Variants in PSAT1 observed in about 807,000 individuals in gnomAD.
The protein encoded by PSAT1 is phosphoserine aminotransferase.
In PSAT1, 41 loss-of-function variants were observed where a neutral mutation model predicts 40.3. That is an observed-to-expected ratio of 1.02 (90% CI 0.79 to 1.32). The LOEUF (loss-of-function observed/expected upper bound fraction) is 1.32. PSAT1 is among the 40% of genes most tolerant of loss of function. PSAT1 has a pLI of 0.00. For missense variants in PSAT1, 406 were observed against 455.8 expected (o/e 0.89, Z 0.99); for synonymous variants, 147 against 170.5 (o/e 0.86, Z 1.07).
intron 7 of PSAT1, among the ~76,000 whole-genome samples, chr9:78,323,389 T>C (rs564880824): frequency 7.2e-5 from 11 of 152,148 alleles, no homozygotes; most frequent in African/African-American, 2.4e-4. Context: ...CTGGGCAACA[T>C]AGTGAGACCT....
chr9:78,311,254 A>G (rs1210626299), intron 6 of PSAT1, among the ~76,000 whole-genome samples: 1 of 151,992 alleles, frequency 6.6e-6, no homozygotes, highest in African/African-American at 2.4e-5. Context: ...AGGGGCCGAG[A>G]TGTCAGGCTG....
intron 1 of PSAT1, among the ~76,000 whole-genome samples, chr9:78,299,743 C>T (rs996107058): frequency 1.3e-5 from 2 of 152,106 alleles, no homozygotes; most frequent in Non-Finnish European, 2.9e-5. Flanking sequence ...AATCTCTTGA[C>T]CTCATGATCT....
intron 7 of PSAT1, among the ~76,000 whole-genome samples, chr9:78,326,934 A>AATATATATATATATATATATATATAT (rs1210919066): frequency 1.9e-4 from 20 of 104,524 alleles, no homozygotes; most frequent in African/African-American, 5.8e-4. Flanking sequence ...AAGTGACAGC[A>AATATATATATATATATATATATATAT]ATATATATAT....
chr9:78,327,918 T>G lies in PSAT1; in HGVS notation c.870-133T>G, dbSNP rs1461382519. Reference sequence around the variant, plus strand: ...TAAACAATAAATGTGCTGGGGCAGATTTTTTGTTTTTTGTTTTTTAAAAAA... The same window carrying G: ...TAAACAATAAATGTGCTGGGGCAGAGTTTTTGTTTTTTGTTTTTTAAAAAA... On this transcript the variant is annotated intron_variant, in intron 7 of 8. Transcript: ENST00000376588. 8 of 929,260 alleles carry G rather than the reference T, an allele frequency of 8.6e-6. No homozygotes were observed. The East Asian group carries it at 1.0e-4, about 12-fold the overall frequency. The allele number at this position is 929,260 out of a possible 1,614,324, so 57.6% of individuals were successfully genotyped here.
In PSAT1 at chr9:78,329,827, T is replaced by G. The variant is rs1828554753; in HGVS notation, c.*741T>G. On this transcript the variant is annotated 3_prime_UTR_variant, in exon 9 of 9. Transcript: ENST00000376588. ...TTCGCCTTCCTCTTTTTAAGCTGTTTTATGAAAAAGACCTAGAAGTTCTTG... is the reference window on the plus strand; with the variant it reads ...TTCGCCTTCCTCTTTTTAAGCTGTTGTATGAAAAAGACCTAGAAGTTCTTG... 6.6e-6 allele frequency: 1 copy of G among 152,200 alleles called. No homozygotes were observed. The highest frequency in any genetic ancestry group is 2.1e-4 in the South Asian group (1 of 4,828). The allele number at this position is 152,200 out of a possible 1,614,324, so 9.4% of individuals were successfully genotyped here.
intron 5 of PSAT1, among the ~76,000 whole-genome samples, chr9:78,307,387 T>A (rs957132530): frequency 3.9e-5 from 6 of 152,272 alleles, no homozygotes; most frequent in Admixed American, 3.9e-4. Context: ...GTCCATGTTG[T>A]ACTGTGTGTC....
chr9:78,306,802 G>A (rs1828191095), intron 5 of PSAT1, among the ~76,000 whole-genome samples: 1 of 152,190 alleles, frequency 6.6e-6, no homozygotes, highest in Admixed American at 6.5e-5. Flanking sequence ...TTCAAGAGCA[G>A]ATGCAGATTA....
chr9:78,319,819 T>C (rs1414008349), intron 7 of PSAT1, among the ~76,000 whole-genome samples: 1 of 152,114 alleles, frequency 6.6e-6, no homozygotes, highest in Non-Finnish European at 1.5e-5. Flanking sequence ...GTGTACAGTG[T>C]GTTTGGGGAG....
At chr9:78,320,012 C>A (rs543133723) in intron 7 of PSAT1, among the ~76,000 whole-genome samples, 1 of 151,676 alleles carries the variant, frequency 6.6e-6, no homozygotes, top group Non-Finnish European at 1.5e-5. Context: ...ATCCATCTGT[C>A]TACCCATTCA....
rs1587650509 is a variant in PSAT1, at chr9:78,329,221, GAAC to G, written c.*140_*142del. The G allele has an allele frequency of 4.2e-6, 3 of 705,934 alleles. No homozygotes were observed. Among genetic ancestry groups the G allele is most frequent in the East Asian group, 5.4e-5 (2 of 36,898 alleles). The allele number at this position is 705,934 out of a possible 1,614,324, so 43.7% of individuals were successfully genotyped here. Reference sequence around the variant, plus strand: ...TATTGCAGATTCTTCTTTTTTGAAAGAACAACAGCAAAACATCCACAACTCTGT... The same window carrying G: ...TATTGCAGATTCTTCTTTTTTGAAAGAACAGCAAAACATCCACAACTCTGT... On this transcript the variant is annotated 3_prime_UTR_variant, in exon 9 of 9. Transcript: ENST00000376588.
chr9:78,306,164 C>T, intron 4 of PSAT1, 150 bp from the exon 5 acceptor site: 1 of 832,962 alleles, frequency 1.2e-6, no homozygotes, highest in Non-Finnish European at 2.1e-6. Flanking sequence ...AAGGATGAGG[C>T]TGGGAGGTTG....
chr9:78,309,827 T>G (rs1409132494), intron 6 of PSAT1, among the ~76,000 whole-genome samples: 1 of 152,228 alleles, frequency 6.6e-6, no homozygotes, highest in African/African-American at 2.4e-5. Context: ...TCATGGCTCT[T>G]AAGATTTACA....
intron 6 of PSAT1, 143 bp from the exon 7 acceptor site, chr9:78,317,533 G>A (rs1004267590): frequency 1.7e-5 from 18 of 1,042,200 alleles, no homozygotes; most frequent in East Asian, 2.4e-5. Context: ...TTACGGGCGT[G>A]AGCCACTGCA....
In PSAT1 at chr9:78,317,622, G is replaced by GTA. The variant is rs1324495725; in HGVS notation, c.741-53_741-52insAT. The GTA allele has an allele frequency of 2.5e-6, 4 of 1,595,130 alleles. No homozygotes were observed. In the African/African-American group the frequency reaches 4.0e-5, roughly 16 times the overall value. On this transcript the variant is annotated intron_variant, in intron 6 of 8. Coordinates refer to ENST00000376588, the MANE Select transcript of PSAT1 (RefSeq NM_058179.4). ...TTCAACAGCAGTTTGCTTGAATATA[G>GTA]TTCTACTTTTGCAAAGATGAGCTAA...
chr9:78,298,906 A>T (rs554208714), intron 1 of PSAT1, among the ~76,000 whole-genome samples: 1 of 152,136 alleles, frequency 6.6e-6, no homozygotes, highest in African/African-American at 2.4e-5. Context: ...TTATGAAATG[A>T]TGTGTAGCCT....
At chr9:78,328,814 A>C (rs1828539300) in intron 8 of PSAT1, among the ~76,000 whole-genome samples, 167 bp from the exon 9 acceptor site, 1 of 152,190 alleles carries the variant, frequency 6.6e-6, no homozygotes, top group Admixed American at 6.5e-5. Flanking sequence ...TTTTCTGATG[A>C]CTGAGACGTG....
At chr9:78,312,432 A>G (rs1364704711) in intron 6 of PSAT1, among the ~76,000 whole-genome samples, 1 of 152,186 alleles carries the variant, frequency 6.6e-6, no homozygotes, top group African/African-American at 2.4e-5. Context: ...GCAGTGGCTC[A>G]TGTCTGTAAT....
rs765810685 is a variant in PSAT1 at position 78,306,394 on chromosome 9, G to A, written c.478G>A (p.Val160Met). 7.4e-6 allele frequency: 12 copies of A among 1,613,932 alleles called. No individual in the cohort carries two copies. In the Admixed American group the frequency reaches 2.0e-4, roughly 27 times the overall value. The part of the protein sequence containing the change: ...YYCANETVHG[V>M]EFDFIPDVKG... ...TTGCGCAAATGAGACGGTGCATGGT[G>A]TGGAGTTTGACTTTATACCCGATGT... The change falls in exon 5 of 9, where the codon GTG becomes ATG. Residue 160 changes from valine (V) to methionine (M), a missense_variant. Transcript: ENST00000376588.
At chr9:78,317,081 G>C (rs1333255130) in intron 6 of PSAT1, among the ~76,000 whole-genome samples, 1 of 152,226 alleles carries the variant, frequency 6.6e-6, no homozygotes, top group Non-Finnish European at 1.5e-5. Flanking sequence ...CTCAAGAAGA[G>C]TTTACATTAG....
Sources: gnomAD v4.1 joint callset for allele counts (sites outside exome capture counted in the v4.1 genomes callset) on GRCh38, gnomAD v4.1.1 for gene constraint, MANE v1.5 for transcripts, NCBI Gene and HGNC (gene_info 2026-07-23, HGNC 2026-07-21) for gene names.